The following ZNF483 variants were observed in gnomAD, a reference collection of about 807,000 sequenced individuals.
ZNF483 encodes the protein zinc finger protein HIT-10.
Under a neutral mutation model 28.6 loss-of-function variants are expected in ZNF483, and 9 were observed. The ratio of observed to expected loss-of-function variants is 0.32; its 90% CI spans 0.19 to 0.55. The LOEUF is 0.55. Ranked by LOEUF, ZNF483 falls within the 20% of genes least tolerant of loss-of-function variation. ZNF483 has a pLI of 0.93. For synonymous variants in ZNF483, 322 were observed against 306.2 expected (o/e 1.05, Z -0.54); for missense variants, 675 against 871.7 (o/e 0.77, Z 2.84).
chr9:111,539,606 A>G (rs947008487), intron 5 of ZNF483: 1 of 338,272 alleles, frequency 3.0e-6, no homozygotes, highest in African/African-American at 2.2e-5. Flanking sequence ...TCTACTAAAA[A>G]TACAAAATTA....
intron 4 of ZNF483, among the ~76,000 whole-genome samples, 182 bp from the exon 5 acceptor site, chr9:111,534,079 A>G (rs1295076499): frequency 1.3e-5 from 2 of 152,220 alleles, no homozygotes; most frequent in Non-Finnish European, 2.9e-5. Context: ...AATGTGAAGC[A>G]TCATTTTGAT....
At chr9:111,562,935 T>C in intron 5 of ZNF483, 1 of 1,387,162 alleles carries the variant, frequency 7.2e-7, no homozygotes, top group South Asian at 1.8e-5. Context: ...CTGGTTGTTG[T>C]TGACTTTGAA....
chr9:111,559,616 AACAT>A (rs1828217592), downstream of ZNF483, among the ~76,000 whole-genome samples: 1 of 150,478 alleles, frequency 6.6e-6, no homozygotes, highest in Non-Finnish European at 1.5e-5. Context: ...ACACATATAC[AACAT>A]ACATATATAA....
intron 5 of ZNF483, among the ~76,000 whole-genome samples, chr9:111,573,644 C>T (rs781321502): frequency 4.6e-5 from 7 of 152,082 alleles, no homozygotes; most frequent in African/African-American, 9.7e-5. Flanking sequence ...GTAGCAGAAA[C>T]AGACTCTGTA....
chr9:111,553,586 T>C lies in ZNF483; in HGVS notation c.*10416T>C, dbSNP rs74395373. Reference sequence around the variant, plus strand: ...TGAACTCAAATCAATCTGTTGATACTGACTAGATTGGTGACGTGTTTATGT... The same window carrying C: ...TGAACTCAAATCAATCTGTTGATACCGACTAGATTGGTGACGTGTTTATGT... On this transcript the variant is annotated 3_prime_UTR_variant, in exon 6 of 6. Coordinates refer to ENST00000309235, the MANE Select transcript of ZNF483 (RefSeq NM_133464.5). Among the ~76,000 whole-genome samples the C allele has an allele frequency of 8.7e-3, 1,320 of 152,356 alleles. 20 individuals are homozygous for C. The highest frequency in any genetic ancestry group is 0.03 in the African/African-American group (1,252 of 41,590).
chr9:111,539,532 G>T (rs1342781971), intron 5 of ZNF483: 2 of 449,234 alleles, frequency 4.5e-6, no homozygotes, highest in African/African-American at 4.0e-5. Flanking sequence ...GGGAGGCCAA[G>T]GCAGGTGGAT....
intron 2 of ZNF483, 105 bp from the exon 3 acceptor site, chr9:111,530,770 T>TATATATATGTATATATATATATATATAC: frequency 2.8e-5 from 1 of 35,452 alleles, no homozygotes; most frequent in Non-Finnish European, 5.0e-5. Flanking sequence ...TATATATATA[T>TATATATATGTATATATATATATATATAC]ATATATATAT....
rs966555380 is a variant in ZNF483 at position 111,543,147 on chromosome 9, C to T, written c.2212C>T (p.Arg738Trp). 2 of 1,608,392 alleles carry T rather than the reference C, an allele frequency of 1.2e-6. No homozygotes were observed. Among genetic ancestry groups the T allele is most frequent in the Admixed American group, 1.7e-5 (1 of 59,528 alleles). Residue 738 changes from arginine (R) to tryptophan (W), a missense_variant, in exon 6 of 6, where the codon CGG (arginine) becomes TGG (tryptophan). This residue lies in a region of ZNF483 where 55 missense variants were observed against 72.4 expected (regional missense o/e 0.76). Transcript: ENST00000309235. ...AAGTAATTCAGGCCTCATTAGACAT[C>T]GGGGATTTCACTCTGCAGAGTAATC... Reference protein sequence around the residue: ...FKSNSGLIRHRGFHSAE With the variant: ...FKSNSGLIRHWGFHSAE
At position 111,549,654 on chromosome 9, in the gene ZNF483, C is replaced by T; in HGVS notation, c.*6484C>T. ...GCAGCGGTCGTGGTGGTGGTGGCAG[C>T]GGCAGCAGGGTTCCCCATTGATTTT... On this transcript the variant is annotated 3_prime_UTR_variant, in exon 6 of 6. Transcript: ENST00000309235. 1.2e-5 allele frequency: 16 copies of T among 1,377,548 alleles called. No homozygotes were observed. The highest frequency in any genetic ancestry group is 1.8e-4 in the Middle Eastern group (1 of 5,634). The allele number at this position is 1,377,548 out of a possible 1,614,324, so 85.3% of individuals were successfully genotyped here.
In ZNF483 at chr9:111,545,772, G is replaced by A. The variant is rs147285213; in HGVS notation, c.*2602G>A. On this transcript the variant is annotated 3_prime_UTR_variant, in exon 6 of 6. Coordinates refer to ENST00000309235, the MANE Select transcript of ZNF483 (RefSeq NM_133464.5). ...TAATATTACATTATGTGGATGCTTCGTGCATTCACTAGTTGAAGAACATTT... is the reference window on the plus strand; with the variant it reads ...TAATATTACATTATGTGGATGCTTCATGCATTCACTAGTTGAAGAACATTT... Among the ~76,000 whole-genome samples, 106 of 151,932 alleles carry A rather than the reference G, an allele frequency of 7.0e-4. No individual in the cohort carries two copies. Among genetic ancestry groups the A allele is most frequent in the Middle Eastern group, 3.4e-3 (1 of 294 alleles).
At chr9:111,574,703 A>C in intron 5 of ZNF483, 1 of 1,505,668 alleles carries the variant, frequency 6.6e-7, no homozygotes, top group Middle Eastern at 1.7e-4. Context: ...CAGCCTTGTG[A>C]CATATGGGAT....
At chr9:111,538,549 A>T (rs144529277) in intron 5 of ZNF483, among the ~76,000 whole-genome samples, 3 of 151,710 alleles carry the variant, frequency 2.0e-5, no homozygotes, top group African/African-American at 7.2e-5. Flanking sequence ...TGTGTTGTTC[A>T]AGGGTCAACT....
chr9:111,547,546 G>T lies in ZNF483; in HGVS notation c.*4376G>T, dbSNP rs1419094915. On this transcript the variant is annotated 3_prime_UTR_variant, in exon 6 of 6. Coordinates refer to ENST00000309235, the MANE Select transcript of ZNF483 (RefSeq NM_133464.5). ...TCTTAATATATCCAGAATATATAAA[G>T]AACTTTTCAGATAAATGATTTGCAA... 5.9e-5 allele frequency among the ~76,000 whole-genome samples: 9 copies of T among 152,218 alleles called. No homozygotes were observed. Among genetic ancestry groups the T allele is most frequent in the African/African-American group, 1.9e-4 (8 of 41,562 alleles).
chr9:111,569,411 T>C (rs548959185), intron 5 of ZNF483, among the ~76,000 whole-genome samples: 1 of 152,298 alleles, frequency 6.6e-6, no homozygotes, highest in South Asian at 2.1e-4. Context: ...CTATGAAATA[T>C]TTCCCATAGC....
chr9:111,563,116 C>CT, intron 5 of ZNF483: 1 of 1,612,380 alleles, frequency 6.2e-7, no homozygotes, highest in Non-Finnish European at 8.5e-7. Flanking sequence ...CATGTGTCCT[C>CT]TTTTTCATGC....
At position 111,549,569 on chromosome 9, in the gene ZNF483, A is replaced by G. The variant is rs975632832; in HGVS notation, c.*6399A>G. 5.3e-5 allele frequency among the ~76,000 whole-genome samples: 8 copies of G among 152,140 alleles called. No homozygotes were observed. The highest frequency in any genetic ancestry group is 1.2e-4 in the Non-Finnish European group (8 of 68,024). ...GTTCTCAGGTCTGTCTCCCTTGTAG[A>G]TTATCAGAGTGGGTCGATAATCTAC... On this transcript the variant is annotated 3_prime_UTR_variant, in exon 6 of 6. Coordinates refer to ENST00000309235, the MANE Select transcript of ZNF483 (RefSeq NM_133464.5).
chr9:111,552,667 G>A lies in ZNF483; in HGVS notation c.*9497G>A, dbSNP rs1160475951. On this transcript the variant is annotated 3_prime_UTR_variant, in exon 6 of 6. Transcript: ENST00000309235. ...TTACATGAATCGACATTGTAAATTT[G>A]GAGGTTCTTTGAGACAGAATATACC... 2.0e-5 allele frequency among the ~76,000 whole-genome samples: 3 copies of A among 152,098 alleles called. No homozygotes were observed. Among genetic ancestry groups the A allele is most frequent in the Non-Finnish European group, 4.4e-5 (3 of 68,000 alleles).
rs113790359 is a variant in ZNF483, at chr9:111,536,705, A to AC, written c.721+2360dup. ...AACAGGATTAGGGGCCACTGACCGC[A>AC]CCCCCCCCGCCCCCGTACAGTTGAA... is the stretch of plus-strand genomic sequence containing the variant. On this transcript the variant is annotated intron_variant, in intron 5 of 5. Coordinates refer to ENST00000309235, the MANE Select transcript of ZNF483 (RefSeq NM_133464.5). 4.9e-3 allele frequency among the ~76,000 whole-genome samples: 715 copies of AC among 147,364 alleles called. 1 individual carries two copies. The highest frequency in any genetic ancestry group is 6.9e-3 in the Middle Eastern group (2 of 290).
At chr9:111,526,985 A>C (rs1827198066) in intron 1 of ZNF483, among the ~76,000 whole-genome samples, 1 of 152,106 alleles carries the variant, frequency 6.6e-6, no homozygotes, top group Non-Finnish European at 1.5e-5. Context: ...CTATAATCCC[A>C]GCTACTCAAG....
Sources: allele counts gnomAD v4.1 joint callset (sites outside exome capture counted in the v4.1 genomes callset), GRCh38; gene constraint gnomAD v4.1.1; regional missense constraint gnomAD v4.1.1; transcripts MANE v1.5; gene names NCBI Gene and HGNC (gene_info 2026-07-23, HGNC 2026-07-21).